Variants in MYT1L observed in about 807,000 individuals in gnomAD.
MYT1L encodes myelin transcription factor 1 like.
A neutral mutation model predicts 126.7 loss-of-function variants in MYT1L; 12 were observed. The ratio of observed to expected loss-of-function variants is 0.09; its 90% confidence interval spans 0.06 to 0.15. The LOEUF (loss-of-function observed/expected upper bound fraction) is 0.15, where lower values mean the gene tolerates loss of function less well. Among genes scored for constraint, MYT1L ranks in the 10% least tolerant of loss-of-function variants. The pLI is 1.00. For missense variants in MYT1L, 979 were observed against 1,585.2 expected, an observed-to-expected ratio of 0.62 and a Z score of 6.49; for synonymous variants, 541 against 604.2, an observed-to-expected ratio of 0.90 and a Z score of 1.53.
At chr2:2,312,880 C>A (rs1045986053) in intron 1 of MYT1L, among the ~76,000 whole-genome samples, 1 of 151,766 alleles carries the variant, frequency 6.6e-6, no homozygotes, top group African/African-American at 2.4e-5. Flanking sequence ...CAGAAGCAAG[C>A]AGAGAGGAAG....
At chr2:1,868,771 C>T (rs2045916419) in intron 18 of MYT1L, among the ~76,000 whole-genome samples, 2 of 152,218 alleles carry the variant, frequency 1.3e-5, no homozygotes, top group Admixed American at 1.3e-4. Flanking sequence ...TCCCTCCTCC[C>T]CCCTCCTCCC....
intron 2 of MYT1L, among the ~76,000 whole-genome samples, chr2:2,199,433 C>T (rs1245728761): frequency 5.9e-5 from 9 of 152,098 alleles, no homozygotes; most frequent in South Asian, 2.1e-4. Flanking sequence ...TGCAGATACC[C>T]ATGACTATCT....
intron 3 of MYT1L, among the ~76,000 whole-genome samples, chr2:2,132,745 A>G (rs561319698): frequency 8.1e-4 from 124 of 152,350 alleles, no homozygotes; most frequent in African/African-American, 2.8e-3. Context: ...GTAAAATTTA[A>G]GAAAGACAGA....
intron 18 of MYT1L, among the ~76,000 whole-genome samples, chr2:1,874,747 G>T (rs2046686257): frequency 6.6e-6 from 1 of 152,208 alleles, no homozygotes; most frequent in African/African-American, 2.4e-5. Context: ...CCCACTTGCA[G>T]GCAACTCCAG....
intron 21 of MYT1L, among the ~76,000 whole-genome samples, chr2:1,812,632 C>T (rs941298742): frequency 6.6e-6 from 1 of 152,086 alleles, no homozygotes; most frequent in Non-Finnish European, 1.5e-5. Context: ...AATCCTAGCA[C>T]TTTGTGAGGC....
At chr2:2,215,084 T>A (rs575528459) in intron 2 of MYT1L, among the ~76,000 whole-genome samples, 2 of 152,106 alleles carry the variant, frequency 1.3e-5, no homozygotes, top group Admixed American at 1.3e-4. Flanking sequence ...TTATGCATAA[T>A]AAACCTATGA....
intron 4 of MYT1L, among the ~76,000 whole-genome samples, chr2:2,015,232 G>T (rs1336064877): frequency 6.6e-6 from 1 of 152,216 alleles, no homozygotes; most frequent in Non-Finnish European, 1.5e-5. Flanking sequence ...CCTCCGAGGA[G>T]TCTCTGTTTC....
chr2:2,290,164 T>C (rs1459458109), intron 1 of MYT1L, among the ~76,000 whole-genome samples: 1 of 152,144 alleles, frequency 6.6e-6, no homozygotes, highest in Non-Finnish European at 1.5e-5. Flanking sequence ...AATTTCTAGA[T>C]TGAGGTCTAG....
chr2:1,934,198 T>C (rs1359085476), intron 9 of MYT1L, among the ~76,000 whole-genome samples: 1 of 151,036 alleles, frequency 6.6e-6, no homozygotes, highest in Non-Finnish European at 1.5e-5. Context: ...ATGGTCTCGA[T>C]CTCCTGACCT....
At chr2:2,291,131 C>G (rs2095593062) in intron 1 of MYT1L, among the ~76,000 whole-genome samples, 1 of 151,664 alleles carries the variant, frequency 6.6e-6, no homozygotes, top group Non-Finnish European at 1.5e-5. Context: ...ACATTAAATT[C>G]TCCTATGCTG....
intron 4 of MYT1L, among the ~76,000 whole-genome samples, chr2:2,029,869 G>A (rs2066042694): frequency 6.6e-6 from 1 of 151,996 alleles, no homozygotes. Flanking sequence ...AAAAATAATA[G>A]CTAATATTTA....
intron 3 of MYT1L, among the ~76,000 whole-genome samples, chr2:2,108,700 C>T (rs2150552108): frequency 6.6e-6 from 1 of 152,208 alleles, no homozygotes; most frequent in East Asian, 1.9e-4. Context: ...ACATTCAGGA[C>T]ATTTTTTTCT....
chr2:2,131,956 T>C (rs923953513), intron 3 of MYT1L, among the ~76,000 whole-genome samples: 2 of 144,550 alleles, frequency 1.4e-5, no homozygotes, highest in South Asian at 2.3e-4. Context: ...GTTGCCAGGC[T>C]GAAGTGCAGT....
chr2:1,864,050 C>T (rs1476928686), intron 18 of MYT1L, among the ~76,000 whole-genome samples: 4 of 152,130 alleles, frequency 2.6e-5, no homozygotes, highest in African/African-American at 9.7e-5. Flanking sequence ...GGCCTTCATG[C>T]CCCCCAGGGC....
chr2:1,800,645 G>A (rs1212378919), intron 23 of MYT1L, among the ~76,000 whole-genome samples: 2 of 152,160 alleles, frequency 1.3e-5, no homozygotes, highest in African/African-American at 4.8e-5. Context: ...GACCACACCC[G>A]GCTGACTATG....
At chr2:1,840,682 C>T in intron 20 of MYT1L, 78 bp downstream of exon 20, 1 of 1,024,048 alleles carries the variant, frequency 9.8e-7, no homozygotes, top group East Asian at 2.6e-5. Flanking sequence ...TTCTTGTTGA[C>T]ATATACTTGC....
At chr2:2,102,394 T>C (rs888279306) in intron 3 of MYT1L, among the ~76,000 whole-genome samples, 1 of 152,246 alleles carries the variant, frequency 6.6e-6, no homozygotes, top group Non-Finnish European at 1.5e-5. Flanking sequence ...TTTAAAGCTA[T>C]AACATATGTA....
intron 21 of MYT1L, among the ~76,000 whole-genome samples, chr2:1,815,972 T>C (rs1345872658): frequency 6.6e-6 from 1 of 152,174 alleles, no homozygotes; most frequent in African/African-American, 2.4e-5. Context: ...GAACGCCCCA[T>C]GGCACAGTTA....
At chr2:1,815,417 T>C (rs1039788463) in intron 21 of MYT1L, among the ~76,000 whole-genome samples, 1 of 152,262 alleles carries the variant, frequency 6.6e-6, no homozygotes, top group South Asian at 2.1e-4. Flanking sequence ...TCTTGCCTCA[T>C]GATGCTGTCA....
Sources: gnomAD v4.1 joint callset for allele counts (sites outside exome capture counted in the v4.1 genomes callset) on GRCh38, gnomAD v4.1.1 for gene constraint, MANE v1.5 for transcripts, NCBI Gene and HGNC (gene_info 2026-07-23, HGNC 2026-07-21) for gene names.